ANKHD1: variants seen among roughly 807,000 people sequenced by gnomAD.
The protein encoded by ANKHD1 is ankyrin repeat and KH domain containing 1, also known as ankyrin repeat and KH domain-containing protein 1.
Under a neutral mutation model 230.5 loss-of-function variants are expected in ANKHD1, and 31 were observed. The ratio of observed to expected loss-of-function variants is 0.13; its 90% CI spans 0.10 to 0.18. ANKHD1 has a LOEUF of 0.18. ANKHD1 is among the 10% of genes least tolerant of loss of function. The probability of loss-of-function intolerance (pLI) is 1.00; values close to 1 mark genes in which losing one functional copy is unlikely to be tolerated. For missense variants in ANKHD1, 2,256 were observed against 3,071.3 expected, an observed-to-expected ratio of 0.73 and a Z score of 6.27; for synonymous variants, 1,074 against 1,117.6, an observed-to-expected ratio of 0.96 and a Z score of 0.78.
intron 23 of ANKHD1, 54 bp downstream of exon 23, chr5:140,512,977 C>A: frequency 6.8e-7 from 1 of 1,472,424 alleles, no homozygotes; most frequent in Non-Finnish European, 9.2e-7. Flanking sequence ...AATGATATGC[C>A]AAAGTGTGCA....
chr5:140,528,859 T>G lies in ANKHD1; in HGVS notation c.5913T>G (p.Pro1971=). The G allele has an allele frequency of 6.2e-7, 1 of 1,614,142 alleles. No individual in the cohort carries two copies. The highest frequency in any genetic ancestry group is 8.5e-7 in the Non-Finnish European group (1 of 1,180,042). The change falls in exon 29 of 34, where the codon CCT becomes CCG. Residue 1971 remains proline (P), a synonymous_variant. Coordinates refer to ENST00000360839, the MANE Select transcript of ANKHD1 (RefSeq NM_017747.3). ...QLFACVPKTS[P]PATVISSVTS... Reference sequence around the variant, plus strand: ...TTGCCTGTGTGCCTAAGACAAGTCCTCCAGCAACAGTGATTTCTTCTGTGA... The same window carrying G: ...TTGCCTGTGTGCCTAAGACAAGTCCGCCAGCAACAGTGATTTCTTCTGTGA...
At chr5:140,490,387 G>A (rs1358319856) in intron 14 of ANKHD1, among the ~76,000 whole-genome samples, 1 of 151,988 alleles carries the variant, frequency 6.6e-6, no homozygotes, top group Non-Finnish European at 1.5e-5. Context: ...TTTCTTTCAT[G>A]CCCCATGTGT....
intron 7 of ANKHD1, among the ~76,000 whole-genome samples, chr5:140,453,722 A>C (rs1453517090): frequency 1.3e-5 from 2 of 152,216 alleles, no homozygotes; most frequent in East Asian, 3.8e-4. Flanking sequence ...AGCACTAAAC[A>C]TGGAAAGGAA....
intron 1 of ANKHD1, among the ~76,000 whole-genome samples, chr5:140,406,425 A>G (rs1770450398): frequency 6.6e-6 from 1 of 152,192 alleles, no homozygotes; most frequent in South Asian, 2.1e-4. Flanking sequence ...CATTTTGTGT[A>G]CAGAGGAGTA....
At chr5:140,458,202 T>C (rs1471169564) in intron 7 of ANKHD1, among the ~76,000 whole-genome samples, 1 of 152,170 alleles carries the variant, frequency 6.6e-6, no homozygotes, top group East Asian at 1.9e-4. Context: ...TGTAATACGG[T>C]TTCTACATTT....
chr5:140,518,794 T>C (rs1364977814), intron 24 of ANKHD1, among the ~76,000 whole-genome samples: 2 of 152,120 alleles, frequency 1.3e-5, no homozygotes, highest in East Asian at 3.8e-4. Flanking sequence ...CTCAAAATAA[T>C]AAGAGCTATC....
chr5:140,453,507 CG>C (rs1159611187), intron 7 of ANKHD1, among the ~76,000 whole-genome samples: 2 of 152,150 alleles, frequency 1.3e-5, no homozygotes, highest in Non-Finnish European at 2.9e-5. Context: ...AGACTAACAG[CG>C]GATCTCTTGG....
chr5:140,424,646 T>G (rs796979786), intron 1 of ANKHD1, among the ~76,000 whole-genome samples: 21 of 152,358 alleles, frequency 1.4e-4, no homozygotes, highest in Admixed American at 3.9e-4. Context: ...GGGAGGGATT[T>G]TAGCCAAAGG....
chr5:140,504,088 T>C (rs1006979370), intron 15 of ANKHD1, among the ~76,000 whole-genome samples: 2 of 150,966 alleles, frequency 1.3e-5, no homozygotes, highest in Non-Finnish European at 3.0e-5. Context: ...AGTCTAGCTC[T>C]GTCACCCAGG....
At chr5:140,532,578 G>A (rs573649947) in intron 29 of ANKHD1, among the ~76,000 whole-genome samples, 1 of 152,052 alleles carries the variant, frequency 6.6e-6, no homozygotes, top group African/African-American at 2.4e-5. Flanking sequence ...ATAGGATTGC[G>A]GGTGTGAGCC....
intron 10 of ANKHD1, chr5:140,472,398 C>A: frequency 3.3e-6 from 5 of 1,500,416 alleles, no homozygotes; most frequent in Non-Finnish European, 4.4e-6. Flanking sequence ...GTTCCAGGAC[C>A]CTGCTGGGTG....
chr5:140,491,108 A>G (rs1309132322), intron 14 of ANKHD1, among the ~76,000 whole-genome samples: 3 of 107,162 alleles, frequency 2.8e-5, no homozygotes, highest in East Asian at 5.4e-4. Context: ...ATATATATAT[A>G]CACACACACA....
chr5:140,468,914 T>TG (rs1175856409), intron 10 of ANKHD1, among the ~76,000 whole-genome samples: 2 of 152,174 alleles, frequency 1.3e-5, no homozygotes, highest in Non-Finnish European at 2.9e-5. Flanking sequence ...GAAGTGAAAT[T>TG]GCTGGTTATA....
chr5:140,443,289 C>CATT (rs1240239735), intron 5 of ANKHD1, among the ~76,000 whole-genome samples: 1 of 152,006 alleles, frequency 6.6e-6, no homozygotes, highest in African/African-American at 2.4e-5. Flanking sequence ...GGGCAGAGGG[C>CATT]ATTAATTGGT....
chr5:140,426,070 A>G (rs1386916052), intron 1 of ANKHD1, among the ~76,000 whole-genome samples: 1 of 152,208 alleles, frequency 6.6e-6, no homozygotes, highest in Non-Finnish European at 1.5e-5. Context: ...TGTTTTAAAA[A>G]TGTATATTTT....
Position 140,529,202 on chromosome 5 carries a change from G to C in ANKHD1, c.6256G>C (p.Val2086Leu). 1 of 1,614,208 alleles carries C rather than the reference G, an allele frequency of 6.2e-7. No homozygotes were observed. The highest frequency in any genetic ancestry group is 8.5e-7 in the Non-Finnish European group (1 of 1,180,048). Residue 2086 changes from valine to leucine, a missense_variant, in exon 29 of 34, where the codon GTG (valine) becomes CTG (leucine). Around this residue, in one of 13 missense-constraint regions of ANKHD1, gnomAD observed 778 missense variants for 966.5 expected, o/e 0.80. Transcript: ENST00000360839. ...NTQEEAQPSS[V>L]SDLSPMSMPF... is the part of the protein sequence containing the mutation. ...ACAAGAGGAGGCACAGCCATCCAGT[G>C]TGTCTGATTTAAGTCCTATGTCAAT...
chr5:140,410,224 C>T (rs1770819297), intron 1 of ANKHD1, among the ~76,000 whole-genome samples: 1 of 151,906 alleles, frequency 6.6e-6, no homozygotes, highest in African/African-American at 2.4e-5. Context: ...TGTATTTTCC[C>T]TACTGTTACA....
At chr5:140,403,171 G>A (rs1179492337) in intron 1 of ANKHD1, among the ~76,000 whole-genome samples, 3 of 151,646 alleles carry the variant, frequency 2.0e-5, no homozygotes, top group African/African-American at 7.3e-5. Flanking sequence ...GTTTCACCAT[G>A]TTGGTCAGGC....
chr5:140,538,454 C>T (rs1206520277), intron 32 of ANKHD1, among the ~76,000 whole-genome samples, 193 bp downstream of exon 32: 1 of 152,200 alleles, frequency 6.6e-6, no homozygotes, highest in Non-Finnish European at 1.5e-5. Flanking sequence ...CCCGAAAACA[C>T]CTGAGGGATT....
Sources: allele counts gnomAD v4.1 joint callset (sites outside exome capture counted in the v4.1 genomes callset), GRCh38; gene constraint gnomAD v4.1.1; regional missense constraint gnomAD v4.1.1; transcripts MANE v1.5; gene names NCBI Gene and HGNC (gene_info 2026-07-23, HGNC 2026-07-21).